The following DPYSL2 variants were observed in gnomAD, a reference collection of about 807,000 sequenced individuals.
DPYSL2 encodes the protein dihydropyrimidinase-related protein 2.
A neutral mutation model predicts 69.9 loss-of-function variants in DPYSL2; 13 were observed. That is an observed-to-expected ratio of 0.19 (90% CI 0.12 to 0.30). DPYSL2 has a LOEUF of 0.30. DPYSL2 is among the 10% of genes least tolerant of loss of function. The pLI is 1.00. For missense variants in DPYSL2, 587 were observed against 918.9 expected (o/e 0.64, Z 4.67); for synonymous variants, 326 against 359.1 (o/e 0.91, Z 1.04).
intron 11 of DPYSL2, among the ~76,000 whole-genome samples, chr8:26,651,046 T>C (rs1317519101): frequency 6.6e-6 from 1 of 152,182 alleles, no homozygotes; most frequent in Non-Finnish European, 1.5e-5. Flanking sequence ...GGGATGAGTG[T>C]CTTAGAATTG....
rs374468912 is a variant in DPYSL2, at chr8:26,556,135, C to A, written c.355-25834C>A. Reference sequence around the variant, plus strand: ...ATATATACTATATATATTATATATACTATATATAGTATATACTATATATAG... The same window carrying A: ...ATATATACTATATATATTATATATAATATATATAGTATATACTATATATAG... On this transcript the variant is annotated intron_variant, in intron 1 of 13. Coordinates refer to ENST00000521913, the MANE Select transcript of DPYSL2 (RefSeq NM_001197293.3). Among the ~76,000 whole-genome samples the A allele has an allele frequency of 2.4e-3, 29 of 11,850 alleles. 1 individual carries two copies. The highest frequency in any genetic ancestry group is 4.0e-3 in the Admixed American group (2 of 496). 7.8% of individuals were successfully genotyped at this position (11,850 alleles called of 152,430 possible).
At position 26,514,397 on chromosome 8, in the gene DPYSL2, C is replaced by T; in HGVS notation, c.72C>T (p.Gly24=). ...TCCCTGCTTTTTTTAAAAACCTGGG[C>T]TCCGGCAGCCCCAAGCCCCGGCAGA... The part of the protein sequence containing the change: ...EEVPAFFKNL[G]SGSPKPRQKF... Residue 24 remains glycine, a synonymous_variant, in exon 1 of 14, where the codon GGC becomes GGT. Transcript: ENST00000521913. The surrounding 1 kb of genome is among the most constrained non-coding windows in gnomAD (Gnocchi z 8.4). 1.3e-6 allele frequency: 2 copies of T among 1,515,934 alleles called. No individual in the cohort carries two copies. Among genetic ancestry groups the T allele is most frequent in the Non-Finnish European group, 1.8e-6 (2 of 1,138,436 alleles). 93.9% of individuals were successfully genotyped at this position (1,515,934 alleles called of 1,614,324 possible). A position where few individuals can be genotyped will look rare whatever the true frequency, so the allele number is the denominator to read the frequency against.
In DPYSL2 at chr8:26,624,164, C is replaced by G. The variant is rs566026853; in HGVS notation, c.650C>G (p.Pro217Arg). 4 of 1,614,216 alleles carry G rather than the reference C, an allele frequency of 2.5e-6. No homozygotes were observed. The African/African-American group carries it at 4.0e-5, about 16-fold the overall frequency. The change falls in exon 4 of 14, where the codon CCT (proline) becomes CGT (arginine). Residue 217 changes from proline to arginine, a missense_variant. Physicochemically the swap from Pro to Arg is moderately radical, Grantham distance 103. Coordinates refer to ENST00000521913, the MANE Select transcript of DPYSL2 (RefSeq NM_001197293.3). This position sits in a 1 kb window ranked among gnomAD's most constrained non-coding sequence, Gnocchi z 4.7. ...TMIIDHVVPEPGTSLLAAFDQ... is the reference protein window; with the variant it reads ...TMIIDHVVPERGTSLLAAFDQ... ...CTAGTTGACCACGTTGTTCCTGAGC[C>G]TGGGACAAGCCTGCTCGCTGCCTTT...
chr8:26,651,417 G>C (rs1307185638), intron 11 of DPYSL2, among the ~76,000 whole-genome samples: 3 of 152,180 alleles, frequency 2.0e-5, no homozygotes, highest in Admixed American at 1.3e-4. Context: ...TGCTTTTTAT[G>C]GTTGGAGCAA....
intron 1 of DPYSL2, chr8:26,578,311 G>T (rs779364870): frequency 1.2e-6 from 2 of 1,614,084 alleles, no homozygotes; most frequent in African/African-American, 1.3e-5. Flanking sequence ...TGGTACTTGG[G>T]AAATCTGCGG....
At chr8:26,632,917 TC>T (rs1802812835) in intron 7 of DPYSL2, among the ~76,000 whole-genome samples, 1 of 152,232 alleles carries the variant, frequency 6.6e-6, no homozygotes, top group Admixed American at 6.5e-5. Context: ...TTTCTAGACA[TC>T]CCTTTTCACA....
At position 26,649,975 on chromosome 8, in the gene DPYSL2, G is replaced by T. The variant is rs181616011; in HGVS notation, c.1596+2175G>T. 2.6e-5 allele frequency among the ~76,000 whole-genome samples: 4 copies of T among 152,084 alleles called. No homozygotes were observed. In the South Asian group the frequency reaches 8.3e-4, roughly 32 times the overall value. On this transcript the variant is annotated intron_variant, in intron 11 of 13. Transcript: ENST00000521913. ...GATAGATGGCCCCAGAGGTCTTCTA[G>T]GTGCTCATTTATAAGCAACAAGACT...
rs1303678812 is a variant in DPYSL2, at chr8:26,581,977, T to C, written c.363T>C (p.Arg121=). The change falls in exon 2 of 14, where the codon CGT becomes CGC. Residue 121 remains arginine (R), a synonymous_variant. Transcript: ENST00000521913. ...ALQNINDQSD[R]LLIKGGKIVN... ...CTGCCTCTTTGTTTCAGAGCGATCG[T>C]CTTCTGATCAAAGGAGGTAAAATTG... 6.2e-6 allele frequency: 10 copies of C among 1,613,898 alleles called. No homozygotes were observed. The highest frequency in any genetic ancestry group is 6.8e-6 in the Non-Finnish European group (8 of 1,179,900).
rs560516427 is a variant in DPYSL2, at chr8:26,621,208, A to G, written c.629-2935A>G. 1.3e-5 allele frequency among the ~76,000 whole-genome samples: 2 copies of G among 152,288 alleles called. No individual in the cohort carries two copies. The highest frequency in any genetic ancestry group is 4.8e-5 in the African/African-American group (2 of 41,552). On this transcript the variant is annotated intron_variant, in intron 3 of 13. Transcript: ENST00000521913. This position sits in a 1 kb window ranked among gnomAD's most constrained non-coding sequence, Gnocchi z 4.9. ...GCAGTAAAAATACACCCAAATTTGA[A>G]TAGGTTGATTTTGGGGTGGTGGTGG...
intron 3 of DPYSL2, among the ~76,000 whole-genome samples, chr8:26,604,701 T>C (rs944757175): frequency 3.3e-5 from 5 of 152,188 alleles, no homozygotes; most frequent in African/African-American, 1.2e-4. Flanking sequence ...TCACGTAGGC[T>C]GGAGTGCATT....
At chr8:26,524,801 CAAAAAAAAAAAAAAAAAAAA>C (rs753822230) in intron 1 of DPYSL2, among the ~76,000 whole-genome samples, 1 of 41,086 alleles carries the variant, frequency 2.4e-5, no homozygotes, top group African/African-American at 1.0e-4. Flanking sequence ...GACTCTGTCT[CAAAAAAAAAAAAAAAAAAAA>C]AAAAAAAAAA....
At chr8:26,583,620 T>A (rs1250924942) in intron 2 of DPYSL2, among the ~76,000 whole-genome samples, 179 bp from the exon 3 acceptor site, 1 of 152,188 alleles carries the variant, frequency 6.6e-6, no homozygotes, top group Non-Finnish European at 1.5e-5. Context: ...TAGTATACTC[T>A]GCATTGCCTC....
intron 7 of DPYSL2, among the ~76,000 whole-genome samples, chr8:26,633,361 GA>G (rs1415581770): frequency 6.6e-6 from 1 of 152,232 alleles, no homozygotes; most frequent in South Asian, 2.1e-4. Flanking sequence ...TTCCCTTGCT[GA>G]TTGGTGATTC....
chr8:26,536,192 G>A (rs548522417), intron 1 of DPYSL2, among the ~76,000 whole-genome samples: 4 of 148,340 alleles, frequency 2.7e-5, no homozygotes, highest in East Asian at 2.0e-4. Flanking sequence ...CTCCTGCCTC[G>A]ACCTCCCAAA....
chr8:26,654,045 T>C lies in DPYSL2; in HGVS notation c.1942+648T>C, dbSNP rs1389374343. Among the ~76,000 whole-genome samples, 1 of 152,184 alleles carries C rather than the reference T, an allele frequency of 6.6e-6. No individual in the cohort carries two copies. The highest frequency in any genetic ancestry group is 2.4e-5 in the African/African-American group (1 of 41,438). ...TCAGGACTTCTCTTCTCTCCTACAGTATATTGTAGTTTAGCTTGTGGAGTT... is the reference window on the plus strand; with the variant it reads ...TCAGGACTTCTCTTCTCTCCTACAGCATATTGTAGTTTAGCTTGTGGAGTT... On this transcript the variant is annotated intron_variant, in intron 13 of 13. Transcript: ENST00000521913. The surrounding 1 kb of genome is among the most constrained non-coding windows in gnomAD (Gnocchi z 5.0).
chr8:26,649,062 T>A (rs1803230199), intron 11 of DPYSL2, among the ~76,000 whole-genome samples: 2 of 152,244 alleles, frequency 1.3e-5, no homozygotes, highest in African/African-American at 4.8e-5. Flanking sequence ...ACCTCCCTAT[T>A]CATGTGCCTG....
intron 3 of DPYSL2, among the ~76,000 whole-genome samples, chr8:26,616,262 T>A (rs1802343037): frequency 6.6e-6 from 1 of 152,084 alleles, no homozygotes; most frequent in African/African-American, 2.4e-5. Flanking sequence ...ATGCCCTTTT[T>A]TTCAGAGCAA....
chr8:26,540,301 C>T (rs1800658029), intron 1 of DPYSL2, among the ~76,000 whole-genome samples: 1 of 151,848 alleles, frequency 6.6e-6, no homozygotes, highest in Admixed American at 6.6e-5. Context: ...GAAGACAGGC[C>T]ATTTAATACT....
In DPYSL2 at chr8:26,564,948, A is replaced by G. The variant is rs1360430741; in HGVS notation, c.355-17021A>G. Among the ~76,000 whole-genome samples, 5 of 151,996 alleles carry G rather than the reference A, an allele frequency of 3.3e-5. No homozygotes were observed. The highest frequency in any genetic ancestry group is 9.7e-5 in the African/African-American group (4 of 41,366). On this transcript the variant is annotated intron_variant, in intron 1 of 13. Transcript: ENST00000521913. The surrounding 1 kb of genome is among the most constrained non-coding windows in gnomAD (Gnocchi z 4.8). ...CCCACCCTCCTTCTTCTGAGTCTCC[A>G]AAGTCCATTATATCACTCTGTATGC...
Sources: gnomAD v4.1 joint callset for allele counts (sites outside exome capture counted in the v4.1 genomes callset) on GRCh38, gnomAD v4.1.1 for gene constraint, Gnocchi (gnomAD v3.1) non-coding constraint, MANE v1.5 for transcripts, NCBI Gene and HGNC (gene_info 2026-07-23, HGNC 2026-07-21) for gene names.